The following OR51E2 variants were observed in gnomAD, a reference collection of about 807,000 sequenced individuals.
OR51E2 encodes olfactory receptor family 51 subfamily E member 2.
Under a neutral mutation model 13.7 loss-of-function variants are expected in OR51E2, and 14 were observed. That is an observed-to-expected ratio of 1.02 (90% confidence interval 0.68 to 1.60). The LOEUF (loss-of-function observed/expected upper bound fraction) is 1.60. OR51E2 is among the 40% of genes most tolerant of loss of function. OR51E2 has a pLI of 0.00. For synonymous variants in OR51E2, 180 were observed against 157.6 expected, an observed-to-expected ratio of 1.14 and a Z score of -1.07; for missense variants, 483 against 413.8, an observed-to-expected ratio of 1.17 and a Z score of -1.45.
At chr11:4,685,279 C>G (rs1437380899) in intron 1 of OR51E2, among the ~76,000 whole-genome samples, 1 of 152,148 alleles carries the variant, frequency 6.6e-6, no homozygotes, top group African/African-American at 2.4e-5. Flanking sequence ...AGAGCAACCT[C>G]AAAGCACCCA....
At chr11:4,697,109 C>T (rs1400112527) in intron 1 of OR51E2, among the ~76,000 whole-genome samples, 1 of 152,202 alleles carries the variant, frequency 6.6e-6, no homozygotes, top group African/African-American at 2.4e-5. Context: ...CTGGTAAAGA[C>T]ACTGAGTATC....
chr11:4,691,441 A>G, intron 1 of OR51E2: 2 of 457,414 alleles, frequency 4.4e-6, no homozygotes, highest in Non-Finnish European at 8.8e-6. Context: ...ACATTGAACC[A>G]GAATATACTC....
At chr11:4,683,241 T>C (rs1847478167) in intron 1 of OR51E2, among the ~76,000 whole-genome samples, 1 of 152,240 alleles carries the variant, frequency 6.6e-6, no homozygotes, top group South Asian at 2.1e-4. Flanking sequence ...CAGAGGAATC[T>C]TCCTGTTTAG....
At chr11:4,685,667 T>G (rs1847506508) in intron 1 of OR51E2, 1 of 152,216 alleles carries the variant, frequency 6.6e-6, no homozygotes, top group Non-Finnish European at 1.5e-5. Flanking sequence ...ATATAGTTAA[T>G]TAGTGATAAT....
At chr11:4,697,170 T>C (rs763447093) in intron 1 of OR51E2, among the ~76,000 whole-genome samples, 115 of 152,198 alleles carry the variant, frequency 7.6e-4, no homozygotes, top group Non-Finnish European at 1.5e-3. Context: ...AAGTCAGAGC[T>C]GAATTTTTAA....
chr11:4,685,275 A>C (rs537869079), intron 1 of OR51E2, among the ~76,000 whole-genome samples: 25 of 152,230 alleles, frequency 1.6e-4, no homozygotes, highest in Admixed American at 1.2e-3. Flanking sequence ...AGGGAGAGCA[A>C]CCTCAAAGCA....
rs201640050 is a variant in OR51E2, at chr11:4,681,743, T to C, written c.*6A>G. The stretch of plus-strand genomic sequence containing the variant: ...ATAAAGATAAGGAGAAGTGTAGTGT[T>C]AAGGGTCACTTGCCTCCCACAGCCT... On this transcript the variant is annotated 3_prime_UTR_variant, in exon 2 of 2. Coordinates refer to ENST00000396950, the MANE Select transcript of OR51E2 (RefSeq NM_030774.4). The C allele has an allele frequency of 2.4e-3, 3,826 of 1,613,546 alleles. 10 individuals are homozygous for C. The highest frequency in any genetic ancestry group is 3.1e-3 in the Non-Finnish European group (3,600 of 1,179,572).
In OR51E2 at chr11:4,693,637, A is replaced by C. The variant is rs554619731; in HGVS notation, c.-51+4016T>G. Among the ~76,000 whole-genome samples the C allele has an allele frequency of 1.2e-4, 18 of 152,226 alleles. No homozygotes were observed. The South Asian group carries it at 1.7e-3, about 14-fold the overall frequency. ...TGGGGAGGCTGAGGCAGGAGAATGG[A>C]GTGAACCTGGAAGGCGGAGCTTCCA... On this transcript the variant is annotated intron_variant, in intron 1 of 1. Coordinates refer to ENST00000396950, the MANE Select transcript of OR51E2 (RefSeq NM_030774.4).
Position 4,681,968 on chromosome 11 carries a change from GA to G in OR51E2, c.743del (p.Leu248ProfsTer76), listed in dbSNP as rs751194071. 4 of 1,614,120 alleles carry G rather than the reference GA, an allele frequency of 2.5e-6. No homozygotes were observed. Among genetic ancestry groups the G allele is most frequent in the Non-Finnish European group, 3.4e-6 (4 of 1,179,960 alleles). On this transcript the variant is annotated frameshift_variant, in exon 2 of 2. Transcript: ENST00000396950. LOFTEE classifies it high-confidence loss of function. ...GTCVSHIGVV[L>X]AFYVPLIGLS... Reference sequence around the variant, plus strand: ...GGCCAATAAGTGGCACATAGAAGGCGAGTACCACACCAATGTGTGACACACA... The same window carrying G: ...GGCCAATAAGTGGCACATAGAAGGCGGTACCACACCAATGTGTGACACACA...
intron 1 of OR51E2, among the ~76,000 whole-genome samples, chr11:4,688,417 A>G (rs1165442757): frequency 6.6e-6 from 1 of 152,178 alleles, no homozygotes; most frequent in Admixed American, 6.5e-5. Context: ...TGATGAGTTT[A>G]AGAAAATATT....
intron 1 of OR51E2, among the ~76,000 whole-genome samples, chr11:4,686,633 A>G (rs1290566271): frequency 2.0e-5 from 3 of 152,224 alleles, no homozygotes; most frequent in African/African-American, 7.2e-5. Flanking sequence ...CATCCTTCAC[A>G]TCCAATTATT....
chr11:4,684,777 C>A (rs879570352), intron 1 of OR51E2, among the ~76,000 whole-genome samples: 1 of 152,188 alleles, frequency 6.6e-6, no homozygotes, highest in African/African-American at 2.4e-5. Context: ...AAAGACCTCA[C>A]GTCACCTTCC....
rs537930914 is a variant in OR51E2, at chr11:4,681,142, G to T, written c.*607C>A. On this transcript the variant is annotated 3_prime_UTR_variant, in exon 2 of 2. Coordinates refer to ENST00000396950, the MANE Select transcript of OR51E2 (RefSeq NM_030774.4). ...TGAGGCGGGTGGATCACAAGGTCAG[G>T]AGATCGAGACCATCCTGGCCAACAT... 1.8e-3 allele frequency: 275 copies of T among 155,890 alleles called. 1 individual carries two copies. The highest frequency in any genetic ancestry group is 3.3e-3 in the Non-Finnish European group (235 of 70,582). The allele number at this position is 155,890 out of a possible 1,614,324, so 9.7% of individuals were successfully genotyped here.
intron 1 of OR51E2, among the ~76,000 whole-genome samples, chr11:4,685,368 C>A (rs1461007708): frequency 6.6e-6 from 1 of 152,214 alleles, no homozygotes; most frequent in African/African-American, 2.4e-5. Flanking sequence ...CTAAACCAAG[C>A]ACACACAGTC....
intron 1 of OR51E2, among the ~76,000 whole-genome samples, chr11:4,688,886 T>C (rs1847546472): frequency 1.3e-5 from 2 of 152,174 alleles, no homozygotes; most frequent in African/African-American, 4.8e-5. Context: ...TCTCAACACA[T>C]TGGAAGGTAG....
rs190248706 is a variant in OR51E2 at position 4,692,891 on chromosome 11, T to A, written c.-51+4762A>T. Reference sequence around the variant, plus strand: ...GGGTGGGGGTGTGATTTAACTAAAATTAACAGAAAACTAGATGAAAAACAA... The same window carrying A: ...GGGTGGGGGTGTGATTTAACTAAAAATAACAGAAAACTAGATGAAAAACAA... On this transcript the variant is annotated intron_variant, in intron 1 of 1. Transcript: ENST00000396950. Among the ~76,000 whole-genome samples, 61 of 151,924 alleles carry A rather than the reference T, an allele frequency of 4.0e-4. No individual in the cohort carries two copies. In the East Asian group the frequency reaches 0.011, roughly 27 times the overall value.
chr11:4,686,201 G>A (rs186733607), intron 1 of OR51E2, among the ~76,000 whole-genome samples: 1 of 152,200 alleles, frequency 6.6e-6, no homozygotes, highest in Non-Finnish European at 1.5e-5. Context: ...ACCTGAAATG[G>A]TATGAAAGAG....
chr11:4,696,540 T>C (rs948719338), intron 1 of OR51E2, among the ~76,000 whole-genome samples: 2 of 152,284 alleles, frequency 1.3e-5, no homozygotes, highest in South Asian at 4.2e-4. Flanking sequence ...CATTGCATTT[T>C]TCTTACATTG....
intron 1 of OR51E2, chr11:4,691,474 T>C (rs878942946): frequency 4.4e-6 from 2 of 456,334 alleles, no homozygotes; most frequent in East Asian, 6.9e-5. Context: ...AGAGTGGATA[T>C]GGACAGGCCG....
Sources: allele counts gnomAD v4.1 joint callset (sites outside exome capture counted in the v4.1 genomes callset), GRCh38; gene constraint gnomAD v4.1.1; transcripts MANE v1.5; gene names NCBI Gene and HGNC (gene_info 2026-07-23, HGNC 2026-07-21).